The following AMBRA1 variants were observed in gnomAD, a reference collection of about 807,000 sequenced individuals.
AMBRA1 encodes the protein autophagy and beclin 1 regulator 1.
AMBRA1 carries 47 observed loss-of-function variants against 125.4 expected under a neutral mutation model. That is an observed-to-expected ratio of 0.37 (90% CI 0.30 to 0.48). The LOEUF is 0.48. Among genes scored for constraint, AMBRA1 ranks in the 20% least tolerant of loss-of-function variants. The pLI is 0.99. For synonymous variants in AMBRA1, 626 were observed against 655.5 expected (o/e 0.95, Z 0.69); for missense variants, 1,331 against 1,693.4 (o/e 0.79, Z 3.76).
At chr11:46,496,849 T>C (rs1020736572) in intron 9 of AMBRA1, among the ~76,000 whole-genome samples, 2 of 150,260 alleles carry the variant, frequency 1.3e-5, no homozygotes, top group African/African-American at 4.9e-5. Flanking sequence ...TGGTGCCTCA[T>C]GCCTGTAATC....
rs1364160013 is a variant in AMBRA1, at chr11:46,593,964, C to T, written c.-257G>A. 4.0e-5 allele frequency: 16 copies of T among 398,524 alleles called. 1 individual carries two copies. The highest frequency in any genetic ancestry group is 7.1e-5 in the East Asian group (2 of 28,092). The allele number at this position is 398,524 out of a possible 1,614,324, so 24.7% of individuals were successfully genotyped here. On this transcript the variant is annotated 5_prime_UTR_variant, in exon 1 of 18. Transcript: ENST00000683756. Reference sequence around the variant, plus strand: ...AGAAGGCGGCTTGAGCGCGGGGCCTCGCGGACAACTCAGCCCTCGACCCGG... The same window carrying T: ...AGAAGGCGGCTTGAGCGCGGGGCCTTGCGGACAACTCAGCCCTCGACCCGG...
intron 9 of AMBRA1, among the ~76,000 whole-genome samples, chr11:46,497,520 T>G (rs1390701865): frequency 1.3e-5 from 2 of 151,992 alleles, no homozygotes; most frequent in African/African-American, 4.8e-5. Context: ...GAAGGAGAAA[T>G]GACAGGAGAG....
At chr11:46,500,503 G>C (rs1950796681) in intron 9 of AMBRA1, among the ~76,000 whole-genome samples, 1 of 152,162 alleles carries the variant, frequency 6.6e-6, no homozygotes. Context: ...CTTAACCAAT[G>C]CTATCAGAGT....
chr11:46,537,539 G>C (rs1952536334), intron 7 of AMBRA1, among the ~76,000 whole-genome samples: 1 of 152,146 alleles, frequency 6.6e-6, no homozygotes, highest in Non-Finnish European at 1.5e-5. Flanking sequence ...ACAATACCCT[G>C]ATCTTCTGCT....
At chr11:46,422,811 T>C (rs562078264) in intron 14 of AMBRA1, among the ~76,000 whole-genome samples, 66 of 152,274 alleles carry the variant, frequency 4.3e-4, no homozygotes, top group African/African-American at 1.4e-3. Context: ...AATCTCATCA[T>C]CTGTAAAGCT....
At chr11:46,412,144 A>G (rs1363109887) in intron 15 of AMBRA1, among the ~76,000 whole-genome samples, 1 of 152,148 alleles carries the variant, frequency 6.6e-6, no homozygotes, top group Non-Finnish European at 1.5e-5. Flanking sequence ...GTCCCTTGGT[A>G]TCTTTGGGGA....
intron 12 of AMBRA1, among the ~76,000 whole-genome samples, chr11:46,435,309 G>A (rs1027859338): frequency 5.9e-5 from 9 of 152,140 alleles, no homozygotes; most frequent in African/African-American, 1.7e-4. Flanking sequence ...AGGAAATACC[G>A]CTTGAGAGAT....
chr11:46,577,337 C>A (rs902068344), intron 1 of AMBRA1, among the ~76,000 whole-genome samples: 1 of 152,050 alleles, frequency 6.6e-6, no homozygotes, highest in Non-Finnish European at 1.5e-5. Context: ...CAAAACATTA[C>A]GCTAAGTCAA....
At chr11:46,499,826 T>G (rs1565222822) in intron 9 of AMBRA1, among the ~76,000 whole-genome samples, 1 of 152,104 alleles carries the variant, frequency 6.6e-6, no homozygotes, top group Non-Finnish European at 1.5e-5. Flanking sequence ...CAGCTAATTT[T>G]TATATTTTTA....
intron 14 of AMBRA1, 76 bp from the exon 15 acceptor site, chr11:46,418,128 G>T: frequency 1.4e-6 from 2 of 1,401,374 alleles, no homozygotes; most frequent in African/African-American, 1.4e-5. Flanking sequence ...AAAATCCAGG[G>T]AGAAACAAAT....
intron 5 of AMBRA1, 40 bp from the exon 6 acceptor site, chr11:46,544,081 A>C (rs567628601): frequency 6.6e-7 from 1 of 1,519,474 alleles, no homozygotes; most frequent in African/African-American, 1.4e-5. Context: ...ACACATAGAG[A>C]GATTATGTTA....
chr11:46,408,423 T>C lies in AMBRA1; in HGVS notation c.3403+90A>G, dbSNP rs1946128990. 21 of 1,308,482 alleles carry C rather than the reference T, an allele frequency of 1.6e-5. No homozygotes were observed. In the East Asian group the frequency reaches 5.7e-4, roughly 36 times the overall value. The allele number at this position is 1,308,482 out of a possible 1,614,324, so 81.1% of individuals were successfully genotyped here. ...CCACCAGGTGGGCATCACCCAGACATGGGAGGGGGTATGCATCCTGAGTGG... is the reference window on the plus strand; with the variant it reads ...CCACCAGGTGGGCATCACCCAGACACGGGAGGGGGTATGCATCCTGAGTGG... On this transcript the variant is annotated intron_variant, in intron 17 of 17. Transcript: ENST00000683756.
intron 11 of AMBRA1, among the ~76,000 whole-genome samples, chr11:46,444,753 C>T (rs1948193406): frequency 6.6e-6 from 1 of 152,152 alleles, no homozygotes; most frequent in Non-Finnish European, 1.5e-5. Context: ...ATTTATTGCA[C>T]TGCTACTCCT....
At chr11:46,416,504 T>C (rs1946553344) in intron 15 of AMBRA1, among the ~76,000 whole-genome samples, 1 of 152,238 alleles carries the variant, frequency 6.6e-6, no homozygotes, top group South Asian at 2.1e-4. Context: ...ATGCAAGAGC[T>C]GCCCTAAGAA....
chr11:46,558,764 G>A (rs542711054), intron 1 of AMBRA1, among the ~76,000 whole-genome samples: 4 of 152,122 alleles, frequency 2.6e-5, no homozygotes, highest in East Asian at 3.9e-4. Context: ...CTTAGGACTC[G>A]TTCTTCCTAA....
At chr11:46,592,589 C>T (rs530122174) in intron 1 of AMBRA1, among the ~76,000 whole-genome samples, 1 of 152,104 alleles carries the variant, frequency 6.6e-6, no homozygotes, top group African/African-American at 2.4e-5. Flanking sequence ...GAAACCCCGT[C>T]TTTACTACAA....
chr11:46,503,187 T>C (rs1950907599), intron 9 of AMBRA1, among the ~76,000 whole-genome samples: 1 of 152,126 alleles, frequency 6.6e-6, no homozygotes, highest in African/African-American at 2.4e-5. Context: ...CACTAATCAT[T>C]TGTAGCTTTT....
At chr11:46,448,875 A>G (rs1346913904) in intron 11 of AMBRA1, among the ~76,000 whole-genome samples, 4 of 152,224 alleles carry the variant, frequency 2.6e-5, no homozygotes, top group African/African-American at 9.6e-5. Flanking sequence ...TGAAAGACAC[A>G]GTATATTACA....
At chr11:46,446,437 T>G (rs1449159580) in intron 11 of AMBRA1, among the ~76,000 whole-genome samples, 1 of 152,178 alleles carries the variant, frequency 6.6e-6, no homozygotes, top group African/African-American at 2.4e-5. Flanking sequence ...AGTATTTACA[T>G]ACGAGGCACT....
Sources: allele counts gnomAD v4.1 joint callset (sites outside exome capture counted in the v4.1 genomes callset), GRCh38; gene constraint gnomAD v4.1.1; transcripts MANE v1.5; gene names NCBI Gene and HGNC (gene_info 2026-07-23, HGNC 2026-07-21).